CNTN5: variants seen among roughly 807,000 people sequenced by gnomAD.
CNTN5 encodes contactin 5, also known as contactin-5.
Under a neutral mutation model 129.1 loss-of-function variants are expected in CNTN5, and 77 were observed. That is an observed-to-expected ratio of 0.60 (90% confidence interval 0.50 to 0.72). CNTN5 has a LOEUF of 0.72. Among genes scored for constraint, CNTN5 ranks in the 30% least tolerant of loss-of-function variants. CNTN5 has a pLI of 0.00. For missense variants in CNTN5, 1,478 were observed against 1,328.8 expected (o/e 1.11, Z -1.75); for synonymous variants, 509 against 465.6 (o/e 1.09, Z -1.20).
At chr11:99,909,309 C>A (rs569100365) in intron 6 of CNTN5, among the ~76,000 whole-genome samples, 3 of 152,184 alleles carry the variant, frequency 2.0e-5, no homozygotes, top group Admixed American at 2.0e-4. Context: ...AATCAGGAAA[C>A]AACAGGTGCT....
chr11:100,248,552 A>G (rs1949896123), intron 16 of CNTN5, among the ~76,000 whole-genome samples: 1 of 152,180 alleles, frequency 6.6e-6, no homozygotes, highest in East Asian at 1.9e-4. Flanking sequence ...TCTCTAAAAA[A>G]AGAAAAAGAA....
chr11:99,338,930 A>ATATATATATATG (rs1243963312), intron 2 of CNTN5, among the ~76,000 whole-genome samples: 7 of 130,464 alleles, frequency 5.4e-5, no homozygotes, highest in African/African-American at 1.6e-4. Flanking sequence ...ATATATATAT[A>ATATATATATATG]TATATATATA....
At chr11:99,050,804 A>G (rs993571995) in intron 1 of CNTN5, among the ~76,000 whole-genome samples, 3 of 151,886 alleles carry the variant, frequency 2.0e-5, no homozygotes, top group East Asian at 1.9e-4. Context: ...ATATGTTTTC[A>G]TATACAATAA....
intron 3 of CNTN5, among the ~76,000 whole-genome samples, chr11:99,661,712 C>A (rs1565401152): frequency 6.6e-6 from 1 of 151,794 alleles, no homozygotes; most frequent in Non-Finnish European, 1.5e-5. Context: ...CATATAGTAA[C>A]TTTAAAAAAT....
intron 23 of CNTN5, among the ~76,000 whole-genome samples, chr11:100,350,158 GATTT>G (rs2139037075): frequency 6.6e-6 from 1 of 151,798 alleles, no homozygotes; most frequent in African/African-American, 2.4e-5. Flanking sequence ...CATTGTTAAG[GATTT>G]ATTATTGGTA....
At chr11:99,721,390 C>G (rs965423873) in intron 3 of CNTN5, among the ~76,000 whole-genome samples, 1 of 152,004 alleles carries the variant, frequency 6.6e-6, no homozygotes, top group Non-Finnish European at 1.5e-5. Flanking sequence ...GGAAAAGACC[C>G]CCTATTGAAT....
intron 21 of CNTN5, among the ~76,000 whole-genome samples, chr11:100,315,973 A>G (rs1307437886): frequency 6.6e-6 from 1 of 152,208 alleles, no homozygotes; most frequent in East Asian, 1.9e-4. Flanking sequence ...TGACTGTCCC[A>G]TCTGGATTGC....
In CNTN5 at chr11:100,075,683, CA is replaced by C. The variant is rs544079964; in HGVS notation, c.1580+1392del. Among the ~76,000 whole-genome samples the C allele has an allele frequency of 4.7e-4, 71 of 152,152 alleles. 3 individuals are homozygous for C. In the South Asian group the frequency reaches 0.014, roughly 29 times the overall value. On this transcript the variant is annotated intron_variant, in intron 13 of 24. Coordinates refer to ENST00000524871, the MANE Select transcript of CNTN5 (RefSeq NM_014361.4). ...GTATTCCTTTCCTCCAGGTGTAGGA[CA>C]AATCACCTGTCACATGAGACAATTC...
intron 2 of CNTN5, among the ~76,000 whole-genome samples, chr11:99,533,767 C>A (rs997817743): frequency 7.2e-5 from 11 of 152,190 alleles, no homozygotes; most frequent in African/African-American, 2.4e-4. Flanking sequence ...TCTCACTACT[C>A]CCTTTGTTGG....
intron 1 of CNTN5, among the ~76,000 whole-genome samples, chr11:99,169,372 ATGTG>A (rs71046671): frequency 4.6e-5 from 7 of 150,996 alleles, no homozygotes; most frequent in Admixed American, 4.0e-4. Context: ...AATAAGCTAT[ATGTG>A]TGTGTGTGTG....
chr11:99,197,920 C>T (rs1380242827), intron 1 of CNTN5, among the ~76,000 whole-genome samples: 1 of 152,076 alleles, frequency 6.6e-6, no homozygotes, highest in Non-Finnish European at 1.5e-5. Flanking sequence ...TGGTGGTAAA[C>T]ATTAGGTACT....
chr11:100,109,796 T>A (rs2138108429), intron 13 of CNTN5, among the ~76,000 whole-genome samples: 1 of 152,282 alleles, frequency 6.6e-6, no homozygotes, highest in South Asian at 2.1e-4. Context: ...TTATTCACCT[T>A]CATGATGGAA....
intron 1 of CNTN5, among the ~76,000 whole-genome samples, chr11:99,243,849 G>T (rs1861687200): frequency 6.6e-6 from 1 of 151,176 alleles, no homozygotes; most frequent in Non-Finnish European, 1.5e-5. Context: ...CCAGTACCAG[G>T]CTGCTCTAGG....
chr11:99,151,488 T>C (rs892984325), intron 1 of CNTN5, among the ~76,000 whole-genome samples: 1 of 152,144 alleles, frequency 6.6e-6, no homozygotes, highest in East Asian at 1.9e-4. Context: ...AGATAGACAA[T>C]AGTGTGAAAT....
At chr11:100,110,150 G>T (rs893845306) in intron 13 of CNTN5, among the ~76,000 whole-genome samples, 2 of 148,526 alleles carry the variant, frequency 1.3e-5, no homozygotes, top group Admixed American at 1.4e-4. Flanking sequence ...TGGCGCCACT[G>T]TACTCCATCC....
At chr11:100,056,047 A>C (rs1591147073) in intron 9 of CNTN5, among the ~76,000 whole-genome samples, 1 of 151,618 alleles carries the variant, frequency 6.6e-6, no homozygotes, top group African/African-American at 2.4e-5. Context: ...ATTCTCTTCA[A>C]CTATGTCTAA....
At position 99,097,326 on chromosome 11, in the gene CNTN5, C is replaced by T. The variant is rs72986365; in HGVS notation, c.-210+76056C>T. ...GGGGTTGGAGATTATATACGTTCCA[C>T]TGGAAAAGAGAAGAACAAGCAAAGC... On this transcript the variant is annotated intron_variant, in intron 1 of 24. Coordinates refer to ENST00000524871, the MANE Select transcript of CNTN5 (RefSeq NM_014361.4). 7.0e-3 allele frequency among the ~76,000 whole-genome samples: 1,070 copies of T among 151,878 alleles called. 3 individuals carry two copies. The highest frequency in any genetic ancestry group is 0.011 in the Non-Finnish European group (779 of 67,830).
intron 1 of CNTN5, among the ~76,000 whole-genome samples, chr11:99,223,198 G>A (rs1860493750): frequency 1.3e-5 from 2 of 152,024 alleles, no homozygotes; most frequent in Admixed American, 6.6e-5. Flanking sequence ...GTTCTATCCT[G>A]TCCTACCTAT....
intron 2 of CNTN5, among the ~76,000 whole-genome samples, chr11:99,412,316 G>T (rs1436558476): frequency 1.3e-5 from 2 of 152,048 alleles, no homozygotes; most frequent in South Asian, 2.1e-4. Context: ...AATATTTTTT[G>T]AATATGTTCT....
Sources: gnomAD v4.1 joint callset for allele counts (sites outside exome capture counted in the v4.1 genomes callset) on GRCh38, gnomAD v4.1.1 for gene constraint, MANE v1.5 for transcripts, NCBI Gene and HGNC (gene_info 2026-07-23, HGNC 2026-07-21) for gene names.